Variants in SUCLG2 observed in about 807,000 individuals in gnomAD.
SUCLG2 encodes succinate--CoA ligase [GDP-forming] subunit beta, mitochondrial.
In SUCLG2, 42 loss-of-function variants were observed where a neutral mutation model predicts 47.9. The observed-to-expected ratio is 0.88, with a 90% CI of 0.69 to 1.14. SUCLG2 has a LOEUF of 1.14. Ranked by LOEUF, SUCLG2 falls within the 50% of genes most tolerant of loss-of-function variation. The pLI is 0.00. For missense variants in SUCLG2, 571 were observed against 525.9 expected (o/e 1.09, Z -0.84); for synonymous variants, 195 against 197.3 (o/e 0.99, Z 0.10).
intron 9 of SUCLG2, among the ~76,000 whole-genome samples, chr3:67,421,116 C>T: frequency 6.6e-6 from 1 of 152,166 alleles, no homozygotes; most frequent in South Asian, 2.1e-4. Context: ...CATAGTCCTA[C>T]AGCTGCTTAA....
intron 1 of SUCLG2, among the ~76,000 whole-genome samples, chr3:67,621,152 T>C (rs926031388): frequency 1.3e-5 from 2 of 152,156 alleles, no homozygotes; most frequent in East Asian, 1.9e-4. Context: ...AATAAATTAA[T>C]AGGCATGGCT....
intron 2 of SUCLG2, among the ~76,000 whole-genome samples, chr3:67,601,027 AAC>A (rs1416818920): frequency 6.6e-6 from 1 of 152,254 alleles, no homozygotes; most frequent in Non-Finnish European, 1.5e-5. Context: ...AAGAGGAAAT[AAC>A]ACAGTCAATC....
In SUCLG2 at chr3:67,475,988, C is replaced by CCTCTCTCTCTCTCTCT. The variant is rs113119377; in HGVS notation, c.1062+19794_1062+19809dup. ...TGAGTATTCCTTCCCTTTCCTTCTC[C>CCTCTCTCTCTCTCTCT]CTCTCTCTCTCTCTCTCTCTCTCTC... On this transcript the variant is annotated intron_variant, in intron 9 of 10. Transcript: ENST00000307227. 3.6e-3 allele frequency among the ~76,000 whole-genome samples: 525 copies of CCTCTCTCTCTCTCTCT among 146,118 alleles called. 5 individuals carry two copies. Among genetic ancestry groups the CCTCTCTCTCTCTCTCT allele is most frequent in the African/African-American group, 8.9e-3 (355 of 40,000 alleles).
chr3:67,373,466 C>G (rs955770797), downstream of SUCLG2, among the ~76,000 whole-genome samples: 2 of 152,058 alleles, frequency 1.3e-5, no homozygotes, highest in Non-Finnish European at 2.9e-5. Flanking sequence ...CTGATTACAA[C>G]TCAAGATGAG....
rs1466717168 is a variant in SUCLG2, at chr3:67,600,758, G to A, written c.226+8697C>T. ...AAATTTCTACATGCAATCCTCCATG[G>A]TTTTTTTGCCTTTTGAGTGGCTGGA... On this transcript the variant is annotated intron_variant, in intron 2 of 10. Transcript: ENST00000307227. Among the ~76,000 whole-genome samples the A allele has an allele frequency of 2.6e-5, 4 of 152,078 alleles. No individual in the cohort carries two copies. The South Asian group carries it at 8.3e-4, about 32-fold the overall frequency.
chr3:67,538,223 C>T (rs1340590869), intron 2 of SUCLG2, among the ~76,000 whole-genome samples: 4 of 152,074 alleles, frequency 2.6e-5, no homozygotes, highest in Admixed American at 6.6e-5. Context: ...TAAGTCTTTA[C>T]TCCATCTTGA....
intron 7 of SUCLG2, among the ~76,000 whole-genome samples, chr3:67,501,883 T>C (rs902221357): frequency 1.3e-5 from 2 of 152,128 alleles, no homozygotes; most frequent in Non-Finnish European, 2.9e-5. Context: ...CTTTGTATCA[T>C]TTAAAATATC....
chr3:67,470,250 TTCATGTGGTATTC>T (rs2106982651), intron 9 of SUCLG2, among the ~76,000 whole-genome samples: 1 of 152,280 alleles, frequency 6.6e-6, no homozygotes, highest in South Asian at 2.1e-4. Context: ...CTTTTCACAT[TTCATGTGGTATTC>T]TCAGGCCCAA....
intron 9 of SUCLG2, among the ~76,000 whole-genome samples, chr3:67,474,913 G>T (rs1169320909): frequency 6.6e-6 from 1 of 151,820 alleles, no homozygotes; most frequent in East Asian, 1.9e-4. Context: ...ACATAAGTAG[G>T]CTCTACTTTC....
intron 2 of SUCLG2, among the ~76,000 whole-genome samples, chr3:67,532,797 T>A (rs1009375213): frequency 1.3e-5 from 2 of 152,202 alleles, no homozygotes; most frequent in Non-Finnish European, 2.9e-5. Context: ...AAAACCTTAC[T>A]CTGTGGTCTT....
chr3:67,362,483 C>T (rs184330978), intron 10 of SUCLG2, among the ~76,000 whole-genome samples: 2 of 152,238 alleles, frequency 1.3e-5, no homozygotes, highest in East Asian at 3.9e-4. Context: ...GAACTTTTTA[C>T]TGATGTCTCT....
chr3:67,374,636 T>A, downstream of SUCLG2: 1 of 452,934 alleles, frequency 2.2e-6, no homozygotes, highest in Non-Finnish European at 2.9e-6. Context: ...GAGGCATACC[T>A]AAGACACTAA....
At chr3:67,490,268 T>A (rs1471574572) in intron 9 of SUCLG2, among the ~76,000 whole-genome samples, 1 of 152,172 alleles carries the variant, frequency 6.6e-6, no homozygotes, top group Non-Finnish European at 1.5e-5. Flanking sequence ...TGCAATAATT[T>A]AAAAATATGA....
At chr3:67,460,418 T>C (rs1704303341) in intron 9 of SUCLG2, among the ~76,000 whole-genome samples, 1 of 152,320 alleles carries the variant, frequency 6.6e-6, no homozygotes, top group South Asian at 2.1e-4. Flanking sequence ...CTTATTCTCA[T>C]CAATCTTCAC....
chr3:67,474,333 A>G lies in SUCLG2; in HGVS notation c.1062+21465T>C, dbSNP rs572930249. ...ATTTTCTAGAGCTTAATTTCTATAT[A>G]TTGAAGAGATGAATATTACTGTGAT... On this transcript the variant is annotated intron_variant, in intron 9 of 10. Coordinates refer to ENST00000307227, the MANE Select transcript of SUCLG2 (RefSeq NM_003848.4). 2.0e-5 allele frequency among the ~76,000 whole-genome samples: 3 copies of G among 152,294 alleles called. No homozygotes were observed. The South Asian group carries it at 6.2e-4, about 32-fold the overall frequency.
intron 2 of SUCLG2, among the ~76,000 whole-genome samples, chr3:67,574,894 T>A (rs1707704934): frequency 6.6e-6 from 1 of 152,190 alleles, no homozygotes; most frequent in African/African-American, 2.4e-5. Flanking sequence ...GGGCAAACTA[T>A]ATGGCCAGAT....
At chr3:67,535,648 T>C (rs567022532) in intron 2 of SUCLG2, among the ~76,000 whole-genome samples, 5 of 152,232 alleles carry the variant, frequency 3.3e-5, no homozygotes, top group African/African-American at 4.8e-5. Context: ...CAACACTAAA[T>C]AGACTAAGAC....
rs183989105 is a variant in SUCLG2 at position 67,436,660 on chromosome 3, T to C, written c.1063-35809A>G. ...ATATTATTACTAGAAATTTACATGA[T>C]ACTTTTCATCAGCAAGTGTTAGGTA... On this transcript the variant is annotated intron_variant, in intron 9 of 10. Coordinates refer to ENST00000307227, the MANE Select transcript of SUCLG2 (RefSeq NM_003848.4). 9.8e-5 allele frequency among the ~76,000 whole-genome samples: 15 copies of C among 152,326 alleles called. No individual in the cohort carries two copies. In the East Asian group the frequency reaches 2.5e-3, roughly 25 times the overall value.
chr3:67,649,518 A>G (rs1168458265), intron 1 of SUCLG2, among the ~76,000 whole-genome samples: 1 of 151,528 alleles, frequency 6.6e-6, no homozygotes, highest in Non-Finnish European at 1.5e-5. Context: ...TGTATACCCA[A>G]AAGTGCCATT....
Sources: allele counts gnomAD v4.1 joint callset (sites outside exome capture counted in the v4.1 genomes callset), GRCh38; gene constraint gnomAD v4.1.1; transcripts MANE v1.5; gene names NCBI Gene and HGNC (gene_info 2026-07-23, HGNC 2026-07-21).